ADD3: variants seen among roughly 807,000 people sequenced by gnomAD.
The protein encoded by ADD3 is adducin 3, also known as gamma-adducin.
A neutral mutation model predicts 80.2 loss-of-function variants in ADD3; 25 were observed. That is an observed-to-expected ratio of 0.31 (90% confidence interval 0.23 to 0.44). The LOEUF (loss-of-function observed/expected upper bound fraction) is 0.44. Ranked by LOEUF, ADD3 falls within the 20% of genes least tolerant of loss-of-function variation. The pLI is 1.00. For missense variants in ADD3, 829 were observed against 847.5 expected, an observed-to-expected ratio of 0.98 and a Z score of 0.27; for synonymous variants, 284 against 289.6, an observed-to-expected ratio of 0.98 and a Z score of 0.20.
chr10:110,039,896 G>C (rs1295064097), intron 1 of ADD3, among the ~76,000 whole-genome samples: 1 of 152,186 alleles, frequency 6.6e-6, no homozygotes, highest in Non-Finnish European at 1.5e-5. Flanking sequence ...CTCATCACAG[G>C]GTCATCTGAG....
chr10:110,044,386 T>C (rs1856699726), intron 1 of ADD3, among the ~76,000 whole-genome samples: 1 of 152,242 alleles, frequency 6.6e-6, no homozygotes, highest in Non-Finnish European at 1.5e-5. Context: ...ATTTTTATCT[T>C]TGTGTTTCTA....
chr10:110,123,409 A>G (rs917734679), intron 9 of ADD3, among the ~76,000 whole-genome samples: 3 of 139,692 alleles, frequency 2.1e-5, no homozygotes, highest in African/African-American at 1.0e-4. Context: ...TAGCGATTCT[A>G]ACAGGACATG....
rs565268979 is a variant in ADD3, at chr10:110,031,745, AT to A, written c.-30+23458del. Among the ~76,000 whole-genome samples, 1,353 of 142,418 alleles carry A rather than the reference AT, an allele frequency of 9.5e-3. 22 individuals are homozygous for A. Among genetic ancestry groups the A allele is most frequent in the African/African-American group, 0.026 (1,021 of 39,140 alleles). 93.4% of individuals were successfully genotyped at this position (142,418 alleles called of 152,430 possible). ...AGATGTTAATGAAGAGACATGAGCT[AT>A]TTTTTTTTTTTAAGTAACTTTTAAA... On this transcript the variant is annotated intron_variant, in intron 1 of 14. Transcript: ENST00000356080.
chr10:110,017,920 T>C (rs186964437), intron 1 of ADD3, among the ~76,000 whole-genome samples: 3 of 152,222 alleles, frequency 2.0e-5, no homozygotes, highest in African/African-American at 7.2e-5. Context: ...GATCATTGTT[T>C]TGGTATAACC....
chr10:110,029,130 C>T (rs771370921), intron 1 of ADD3, among the ~76,000 whole-genome samples: 10 of 152,240 alleles, frequency 6.6e-5, no homozygotes, highest in Admixed American at 3.9e-4. Flanking sequence ...CCGCCTGCCT[C>T]GGCCTCCCAA....
chr10:110,010,538 C>G (rs975603250), intron 1 of ADD3, among the ~76,000 whole-genome samples: 2 of 152,184 alleles, frequency 1.3e-5, no homozygotes, highest in African/African-American at 4.8e-5. Flanking sequence ...TTATCATTAT[C>G]AGTATGTAAA....
intron 1 of ADD3, among the ~76,000 whole-genome samples, chr10:110,028,369 T>A (rs1236741048): frequency 6.6e-6 from 1 of 151,150 alleles, no homozygotes; most frequent in African/African-American, 2.4e-5. Context: ...AAGTCAGGAG[T>A]TCGAGACCAG....
intron 2 of ADD3, 131 bp from the exon 3 acceptor site, chr10:110,112,646 A>G (rs1288877926): frequency 9.4e-7 from 1 of 1,062,890 alleles, no homozygotes; most frequent in Admixed American, 3.0e-5. Flanking sequence ...TTTGTGTTTT[A>G]TATTTGTTTT....
chr10:110,119,441 G>T lies in ADD3; in HGVS notation c.862-25G>T, dbSNP rs184766988. On this transcript the variant is annotated intron_variant, in intron 7 of 14. Transcript: ENST00000356080. The stretch of plus-strand genomic sequence containing the variant: ...GTGAGCTATGCCAGTTATTTCAAGT[G>T]ATTGCTGTGGGCATTCTATTTTAGG... 181 of 1,613,466 alleles carry T rather than the reference G, an allele frequency of 1.1e-4. 1 individual carries two copies. In the African/African-American group the frequency reaches 1.9e-3, roughly 17 times the overall value.
At chr10:110,047,162 T>G (rs140033617) in intron 1 of ADD3, among the ~76,000 whole-genome samples, 10 of 152,358 alleles carry the variant, frequency 6.6e-5, no homozygotes, top group African/African-American at 1.9e-4. Flanking sequence ...ATTCATTATC[T>G]TTCCATTTAC....
At chr10:110,101,435 A>G (rs1848795935) in intron 2 of ADD3, among the ~76,000 whole-genome samples, 1 of 152,094 alleles carries the variant, frequency 6.6e-6, no homozygotes, top group Non-Finnish European at 1.5e-5. Context: ...GGAGTTTGAA[A>G]CCAGCCTAGG....
intron 1 of ADD3, among the ~76,000 whole-genome samples, chr10:110,020,754 GAATT>G (rs1022407442): frequency 9.2e-5 from 14 of 152,154 alleles, no homozygotes; most frequent in African/African-American, 2.2e-4. Flanking sequence ...GAGGTAGTGA[GAATT>G]GATTGGATTC....
At chr10:110,018,550 AAG>A (rs1359446340) in intron 1 of ADD3, among the ~76,000 whole-genome samples, 1 of 148,708 alleles carries the variant, frequency 6.7e-6, no homozygotes, top group African/African-American at 2.6e-5. Flanking sequence ...AAAAAAAAAA[AAG>A]AGTTGGAGTG....
intron 1 of ADD3, among the ~76,000 whole-genome samples, chr10:110,049,471 G>A (rs1857252683): frequency 6.6e-6 from 1 of 152,206 alleles, no homozygotes; most frequent in Non-Finnish European, 1.5e-5. Context: ...CAGCCTGAGT[G>A]GTGCTGTATT....
chr10:110,055,629 A>AACAAAGAG (rs1409411696), intron 1 of ADD3, among the ~76,000 whole-genome samples: 5 of 152,348 alleles, frequency 3.3e-5, no homozygotes, highest in African/African-American at 1.2e-4. Flanking sequence ...ATTGTCTAAG[A>AACAAAGAG]ACAAAGAGGC....
chr10:110,097,673 G>C (rs1009904685), intron 1 of ADD3, among the ~76,000 whole-genome samples: 2 of 151,980 alleles, frequency 1.3e-5, no homozygotes, highest in African/African-American at 4.8e-5. Flanking sequence ...TCCTGGTCTA[G>C]GATCTGATCC....
At chr10:110,106,536 T>A (rs1318009510) in intron 2 of ADD3, among the ~76,000 whole-genome samples, 1 of 152,098 alleles carries the variant, frequency 6.6e-6, no homozygotes, top group Non-Finnish European at 1.5e-5. Context: ...CCTACATGAA[T>A]CTCACATCTC....
chr10:110,051,823 G>A (rs1857546630), intron 1 of ADD3, among the ~76,000 whole-genome samples: 1 of 152,136 alleles, frequency 6.6e-6, no homozygotes, highest in South Asian at 2.1e-4. Context: ...TTATTTTTGA[G>A]ACAGAGTCTT....
Position 110,130,406 on chromosome 10 carries a change from C to T in ADD3, c.1652C>T (p.Pro551Leu). 2 of 1,614,104 alleles carry T rather than the reference C, an allele frequency of 1.2e-6. No homozygotes were observed. The highest frequency in any genetic ancestry group is 2.2e-5 in the East Asian group (1 of 44,880). ...EDDDHGPPAP[P>L]NPFSHLTEGE... Reference sequence around the variant, plus strand: ...GATGATCATGGCCCACCAGCTCCTCCTAACCCATTTAGTCATCTCACAGAA... The same window carrying T: ...GATGATCATGGCCCACCAGCTCCTCTTAACCCATTTAGTCATCTCACAGAA... The change falls in exon 13 of 15, where the codon CCT becomes CTT. Residue 551 changes from proline (P) to leucine (L), a missense_variant. By Grantham distance (98) the Pro-to-Leu change is moderately conservative (BLOSUM62 -3). Transcript: ENST00000356080.
Sources: gnomAD v4.1 joint callset for allele counts (sites outside exome capture counted in the v4.1 genomes callset) on GRCh38, gnomAD v4.1.1 for gene constraint, MANE v1.5 for transcripts, NCBI Gene and HGNC (gene_info 2026-07-23, HGNC 2026-07-21) for gene names.